The following KIF27 variants were observed in gnomAD, a reference collection of about 807,000 sequenced individuals.
KIF27 encodes the protein kinesin family member 27.
Under a neutral mutation model 141.8 loss-of-function variants are expected in KIF27, and 84 were observed. The observed-to-expected ratio is 0.59, with a 90% CI of 0.50 to 0.71. The LOEUF is 0.71. KIF27 is among the 30% of genes least tolerant of loss of function. KIF27 has a pLI of 0.00. For missense variants in KIF27, 1,306 were observed against 1,628.4 expected (o/e 0.80, Z 3.41); for synonymous variants, 471 against 569.5 (o/e 0.83, Z 2.46).
At chr9:83,899,491 A>G (rs1396805821) in intron 5 of KIF27, among the ~76,000 whole-genome samples, 170 bp downstream of exon 5, 1 of 152,232 alleles carries the variant, frequency 6.6e-6, no homozygotes, top group African/African-American at 2.4e-5. Context: ...AAATGTTTCC[A>G]TTTAAGCAGA....
chr9:83,881,575 T>C (rs1326471447), intron 10 of KIF27, among the ~76,000 whole-genome samples: 1 of 152,240 alleles, frequency 6.6e-6, no homozygotes, highest in Non-Finnish European at 1.5e-5. Context: ...GTTGACGTTT[T>C]CATGTGAGAC....
intron 4 of KIF27, 35 bp from the exon 5 acceptor site, chr9:83,899,839 A>G (rs774810342): frequency 2.9e-5 from 46 of 1,567,764 alleles, no homozygotes; most frequent in Admixed American, 2.1e-4. Flanking sequence ...GACATTCACC[A>G]CAGAAAATAA....
chr9:83,852,242 G>A (rs1052977769), intron 15 of KIF27, among the ~76,000 whole-genome samples: 2 of 151,512 alleles, frequency 1.3e-5, no homozygotes, highest in African/African-American at 4.9e-5. Flanking sequence ...TCAGGAGATC[G>A]AGACCATCCC....
intron 15 of KIF27, among the ~76,000 whole-genome samples, chr9:83,853,014 G>A (rs1044148663): frequency 2.0e-5 from 3 of 152,054 alleles, no homozygotes; most frequent in Admixed American, 6.6e-5. Flanking sequence ...TTAACACTTC[G>A]TAATATATAA....
chr9:83,852,909 G>T (rs1340994583), intron 15 of KIF27, among the ~76,000 whole-genome samples: 4 of 152,266 alleles, frequency 2.6e-5, no homozygotes, highest in African/African-American at 9.6e-5. Context: ...CTGGCCTTAG[G>T]ACTTTATTTT....
At chr9:83,920,190 A>G (rs1311632833) in intron 1 of KIF27, among the ~76,000 whole-genome samples, 1 of 152,236 alleles carries the variant, frequency 6.6e-6, no homozygotes, top group Non-Finnish European at 1.5e-5. Context: ...ACTGCACTCC[A>G]GCCTGAGTAA....
At chr9:83,909,466 T>C (rs907992410) in intron 2 of KIF27, among the ~76,000 whole-genome samples, 3 of 151,924 alleles carry the variant, frequency 2.0e-5, no homozygotes, top group Non-Finnish European at 4.4e-5. Flanking sequence ...AAAAATTAGC[T>C]AGCTAGGTGT....
rs201326603 is a variant in KIF27, at chr9:83,848,137, A to ATATCTGATATATCATATC, written c.3556+1961_3556+1962insGATATGATATATCAGATA. 4.8e-5 allele frequency among the ~76,000 whole-genome samples: 2 copies of ATATCTGATATATCATATC among 41,408 alleles called. 1 individual carries two copies. The highest frequency in any genetic ancestry group is 7.5e-5 in the Non-Finnish European group (2 of 26,498). The allele number at this position is 41,408 out of a possible 152,430, so 27.2% of individuals were successfully genotyped here. Reference sequence around the variant, plus strand: ...ATCTGATATATCTGATATCTCATATATGATATATCTGATATATCATATATG... The same window carrying ATATCTGATATATCATATC: ...ATCTGATATATCTGATATCTCATATATATCTGATATATCATATCTGATATATCTGATATATCATATATG... On this transcript the variant is annotated intron_variant, in intron 16 of 17. Coordinates refer to ENST00000297814, the MANE Select transcript of KIF27 (RefSeq NM_017576.4).
At position 83,908,517 on chromosome 9, in the gene KIF27, T is replaced by C; in HGVS notation, c.434A>G (p.Asp145Gly). Residue 145 changes from aspartate to glycine, a missense_variant, in exon 3 of 18, where the codon GAT becomes GGT. By Grantham distance (94) the Asp-to-Gly change is moderately conservative. Transcript: ENST00000297814. The stretch of plus-strand genomic sequence containing the variant: ...CATGGATGTCTCCAATTCTAGAAGA[T>C]CTCTTAGGTCTTCCTTGTACACTTC... ...YIEVYKEDLR[D>G]LLELETSMKD... 2 of 1,610,724 alleles carry C rather than the reference T, an allele frequency of 1.2e-6. No individual in the cohort carries two copies. Among genetic ancestry groups the C allele is most frequent in the East Asian group, 2.2e-5 (1 of 44,828 alleles).
chr9:83,841,567 A>G (rs1351281683), intron 17 of KIF27, among the ~76,000 whole-genome samples: 1 of 152,246 alleles, frequency 6.6e-6, no homozygotes, highest in Non-Finnish European at 1.5e-5. Flanking sequence ...TAGAATTATT[A>G]GAAATTATCA....
chr9:83,865,556 C>G (rs1236275014), intron 13 of KIF27, among the ~76,000 whole-genome samples: 4 of 152,194 alleles, frequency 2.6e-5, no homozygotes, highest in African/African-American at 9.7e-5. Context: ...CTTGGCCTCC[C>G]AAAGTGCTGG....
chr9:83,895,299 C>T (rs2780190), intron 5 of KIF27, among the ~76,000 whole-genome samples: 17 of 149,538 alleles, frequency 1.1e-4, no homozygotes, highest in Admixed American at 6.0e-4. Context: ...ATCAGTGTAA[C>T]TCACCATATT....
chr9:83,844,947 C>T (rs1006936036), intron 16 of KIF27, among the ~76,000 whole-genome samples: 11 of 152,150 alleles, frequency 7.2e-5, no homozygotes, highest in African/African-American at 1.2e-4. Flanking sequence ...TACTCTGGCC[C>T]ATTTATTGAG....
intron 3 of KIF27, among the ~76,000 whole-genome samples, chr9:83,905,309 G>A (rs146570651): frequency 0.016 from 2,398 of 152,032 alleles, 80 homozygotes; most frequent in African/African-American, 0.056. Flanking sequence ...TAGTACAGAC[G>A]GGGTTTCACT....
In KIF27 at chr9:83,908,547, T is replaced by A. The variant is rs772389559; in HGVS notation, c.404A>T (p.Tyr135Phe). 1 of 1,610,114 alleles carries A rather than the reference T, an allele frequency of 6.2e-7. No homozygotes were observed. Among genetic ancestry groups the A allele is most frequent in the East Asian group, 2.2e-5 (1 of 44,804 alleles). Reference sequence around the variant, plus strand: ...TAGGTCTTCCTTGTACACTTCTATATAAGATACTTTTACATTAAAGTCAAT... The same window carrying A: ...TAGGTCTTCCTTGTACACTTCTATAAAAGATACTTTTACATTAAAGTCAAT... ...PSIDFNVKVS[Y>F]IEVYKEDLRD... is the part of the protein sequence containing the mutation. Residue 135 changes from tyrosine to phenylalanine, a missense_variant, in exon 3 of 18, where the codon TAT (tyrosine) becomes TTT (phenylalanine). Tyr to Phe is a conservative substitution (Grantham distance 22). Transcript: ENST00000297814.
chr9:83,859,380 TA>T lies in KIF27; in HGVS notation c.2935-10del. 6.2e-7 allele frequency: 1 copy of T among 1,603,020 alleles called. No homozygotes were observed. Among genetic ancestry groups the T allele is most frequent in the Non-Finnish European group, 8.5e-7 (1 of 1,170,012 alleles). ...CTATCTGTGTTTAAGGCCTAAAAGA[TA>T]CAACCCACCAGCCACCTCAAAAACA... On this transcript the variant is annotated splice_polypyrimidine_tract_variant and intron_variant, in intron 13 of 17. Coordinates refer to ENST00000297814, the MANE Select transcript of KIF27 (RefSeq NM_017576.4).
rs202041911 is a variant in KIF27 at position 83,915,283 on chromosome 9, A to G, written c.298+11T>C. ...GTCACAAATAAAAGTCAAAGAGTATAAGAATCTTACCAATATGGCCCCCTC... is the reference window on the plus strand; with the variant it reads ...GTCACAAATAAAAGTCAAAGAGTATGAGAATCTTACCAATATGGCCCCCTC... On this transcript the variant is annotated intron_variant, in intron 2 of 17. Coordinates refer to ENST00000297814, the MANE Select transcript of KIF27 (RefSeq NM_017576.4). The G allele has an allele frequency of 2.2e-5, 34 of 1,580,416 alleles. No homozygotes were observed. The East Asian group carries it at 2.7e-4, about 13-fold the overall frequency.
chr9:83,901,887 T>C (rs878924265), intron 4 of KIF27, among the ~76,000 whole-genome samples: 3 of 152,152 alleles, frequency 2.0e-5, no homozygotes, highest in Admixed American at 2.0e-4. Flanking sequence ...AAAAAAATTG[T>C]TAGAGAATAT....
At chr9:83,843,612 T>C (rs1419634926) in intron 16 of KIF27, among the ~76,000 whole-genome samples, 1 of 152,228 alleles carries the variant, frequency 6.6e-6, no homozygotes, top group Non-Finnish European at 1.5e-5. Flanking sequence ...AGAATCCCCA[T>C]AAAGTATGTC....
Sources: allele counts gnomAD v4.1 joint callset (sites outside exome capture counted in the v4.1 genomes callset), GRCh38; gene constraint gnomAD v4.1.1; transcripts MANE v1.5; gene names NCBI Gene and HGNC (gene_info 2026-07-23, HGNC 2026-07-21).